ARHGAP42: variants seen among roughly 807,000 people sequenced by gnomAD.
ARHGAP42 encodes the protein rho GTPase-activating protein 42.
ARHGAP42 carries 63 observed loss-of-function variants against 125.0 expected under a neutral mutation model. The ratio of observed to expected loss-of-function variants is 0.50; its 90% CI spans 0.41 to 0.62. ARHGAP42 has a LOEUF of 0.62. ARHGAP42 is among the 20% of genes least tolerant of loss of function. The pLI, the probability that ARHGAP42 is intolerant of heterozygous loss-of-function variation, is 0.00. For missense variants in ARHGAP42, 766 were observed against 1,024.2 expected, an observed-to-expected ratio of 0.75 and a Z score of 3.44; for synonymous variants, 339 against 351.0, an observed-to-expected ratio of 0.97 and a Z score of 0.38.
In ARHGAP42 at chr11:100,976,048, A is replaced by G. The variant is rs763478161; in HGVS notation, c.1856-9A>G. On this transcript the variant is annotated splice_polypyrimidine_tract_variant and intron_variant, in intron 19 of 23. Transcript: ENST00000298815. ...AGTTGCTTTCATCTCTCTCCCTCCT[A>G]CTCCTTAGGTGACTCCTATAGCAGC... 3 of 1,491,696 alleles carry G rather than the reference A, an allele frequency of 2.0e-6. No homozygotes were observed. The highest frequency in any genetic ancestry group is 1.4e-5 in the African/African-American group (1 of 70,926). 92.4% of individuals were successfully genotyped at this position (1,491,696 alleles called of 1,614,324 possible).
At position 100,702,566 on chromosome 11, in the gene ARHGAP42, TAAA is replaced by T. The variant is rs34466184; in HGVS notation, c.154+14746_154+14748del. Reference sequence around the variant, plus strand: ...AGTGTTGTAAAAAACCTTCGATTTGTAAAAAAAAAAAAAACTGCAAAGTACAAT... The same window carrying T: ...AGTGTTGTAAAAAACCTTCGATTTGTAAAAAAAAAAACTGCAAAGTACAAT... On this transcript the variant is annotated intron_variant, in intron 1 of 23. Coordinates refer to ENST00000298815, the MANE Select transcript of ARHGAP42 (RefSeq NM_152432.4). Among the ~76,000 whole-genome samples the T allele has an allele frequency of 5.1e-4, 72 of 141,100 alleles. No homozygotes were observed. The South Asian group carries it at 0.014, about 28-fold the overall frequency. 92.6% of individuals were successfully genotyped at this position (141,100 alleles called of 152,430 possible). A position where few individuals can be genotyped will look rare whatever the true frequency, so the allele number is the denominator to read the frequency against.
intron 6 of ARHGAP42, among the ~76,000 whole-genome samples, chr11:100,926,397 C>T (rs556947642): frequency 6.6e-6 from 1 of 152,328 alleles, no homozygotes; most frequent in Admixed American, 6.5e-5. Context: ...CCTCAGTGGA[C>T]ACTTAACTAC....
At chr11:100,824,379 C>T (rs1042974747) in intron 3 of ARHGAP42, among the ~76,000 whole-genome samples, 8 of 151,996 alleles carry the variant, frequency 5.3e-5, no homozygotes, top group African/African-American at 1.9e-4. Context: ...TGACTGAAGT[C>T]CTTTCAACTA....
chr11:100,785,940 A>ATACCTGCTTC (rs1457997988), intron 2 of ARHGAP42, among the ~76,000 whole-genome samples: 3 of 152,202 alleles, frequency 2.0e-5, no homozygotes, highest in Non-Finnish European at 4.4e-5. Flanking sequence ...TCAAAATCAA[A>ATACCTGCTTC]TACCTGCTTC....
intron 1 of ARHGAP42, among the ~76,000 whole-genome samples, chr11:100,699,500 ATATATATTTTTTTTTTTTTTTTTTT>A (rs1448829858): frequency 5.0e-5 from 2 of 40,148 alleles, no homozygotes; most frequent in African/African-American, 2.2e-4. Context: ...ATATATATAT[ATATATATTTTTTTTTTTTTTTTTTT>A]TTTTTTTTTT....
Position 100,687,443 on chromosome 11 carries a change from C to T in ARHGAP42, c.-236C>T, listed in dbSNP as rs886141464. The stretch of plus-strand genomic sequence containing the variant: ...TCCAGATGACAACAACCTGAGGGGA[C>T]TCGCGCCTCGGCCCGCCGCCCGCGC... On this transcript the variant is annotated 5_prime_UTR_variant, in exon 1 of 24. Transcript: ENST00000298815. Among the ~76,000 whole-genome samples, 6 of 151,938 alleles carry T rather than the reference C, an allele frequency of 3.9e-5. No homozygotes were observed. The highest frequency in any genetic ancestry group is 1.4e-4 in the African/African-American group (6 of 41,432).
chr11:100,925,116 G>A (rs1867384760), intron 6 of ARHGAP42, among the ~76,000 whole-genome samples: 1 of 151,918 alleles, frequency 6.6e-6, no homozygotes, highest in Non-Finnish European at 1.5e-5. Context: ...ACAGGCGTGA[G>A]CCACCACACC....
intron 4 of ARHGAP42, among the ~76,000 whole-genome samples, chr11:100,903,539 C>T (rs1866621233): frequency 6.6e-6 from 1 of 150,926 alleles, no homozygotes; most frequent in Non-Finnish European, 1.5e-5. Context: ...TAGTTTTGTC[C>T]CTAACTTGAT....
intron 3 of ARHGAP42, among the ~76,000 whole-genome samples, chr11:100,832,388 A>C (rs2135096115): frequency 6.6e-6 from 1 of 152,304 alleles, no homozygotes; most frequent in Middle Eastern, 3.4e-3. Context: ...GATTAGCCAG[A>C]CCTGAAGCTT....
intron 3 of ARHGAP42, among the ~76,000 whole-genome samples, chr11:100,850,819 C>G (rs1865186246): frequency 6.6e-6 from 1 of 151,146 alleles, no homozygotes; most frequent in African/African-American, 2.4e-5. Context: ...AACTTCTACT[C>G]TAGCACTGGT....
intron 4 of ARHGAP42, among the ~76,000 whole-genome samples, chr11:100,879,191 A>G (rs560790774): frequency 6.6e-6 from 1 of 152,190 alleles, no homozygotes; most frequent in Non-Finnish European, 1.5e-5. Flanking sequence ...CAAGACTCCT[A>G]GTTGATTCAA....
intron 1 of ARHGAP42, among the ~76,000 whole-genome samples, chr11:100,753,941 A>G (rs1862517987): frequency 6.6e-6 from 1 of 152,130 alleles, no homozygotes; most frequent in Non-Finnish European, 1.5e-5. Flanking sequence ...TTTTCCTGTT[A>G]AGTTCCTGCA....
intron 1 of ARHGAP42, among the ~76,000 whole-genome samples, chr11:100,754,953 G>A (rs924818272): frequency 6.6e-6 from 1 of 152,182 alleles, no homozygotes; most frequent in South Asian, 2.1e-4. Flanking sequence ...ACTATTGGAG[G>A]ACTTTACTCT....
At chr11:100,950,442 T>C (rs3017866) in intron 12 of ARHGAP42, among the ~76,000 whole-genome samples, 133,289 of 151,062 alleles carry the variant, frequency 0.88, 58,896 homozygotes, top group East Asian at 1. Context: ...TTCTTACAGG[T>C]ATAAGACTGC....
At chr11:100,756,689 A>G (rs1254147241) in intron 1 of ARHGAP42, among the ~76,000 whole-genome samples, 1 of 152,226 alleles carries the variant, frequency 6.6e-6, no homozygotes, top group Non-Finnish European at 1.5e-5. Context: ...ATTAGAGATA[A>G]CATGTCTTCC....
intron 3 of ARHGAP42, among the ~76,000 whole-genome samples, chr11:100,840,952 A>G (rs1454303640): frequency 6.6e-6 from 1 of 152,144 alleles, no homozygotes; most frequent in African/African-American, 2.4e-5. Flanking sequence ...CCTTACTCCT[A>G]GAAAGGATAT....
At chr11:100,909,874 A>G (rs1305814257) in intron 4 of ARHGAP42, among the ~76,000 whole-genome samples, 1 of 152,172 alleles carries the variant, frequency 6.6e-6, no homozygotes, top group Non-Finnish European at 1.5e-5. Context: ...TATCTTTGTG[A>G]TATGCCTACA....
chr11:100,824,968 A>C (rs1715382082), intron 3 of ARHGAP42, among the ~76,000 whole-genome samples: 1 of 152,230 alleles, frequency 6.6e-6, no homozygotes, highest in South Asian at 2.1e-4. Flanking sequence ...GAATGTTTTT[A>C]TAAACAAATT....
At chr11:100,700,078 C>T (rs898376444) in intron 1 of ARHGAP42, among the ~76,000 whole-genome samples, 13 of 152,032 alleles carry the variant, frequency 8.6e-5, no homozygotes, top group East Asian at 1.9e-4. Flanking sequence ...TGCAGACCAC[C>T]GCAATAAAGT....
Sources: gnomAD v4.1 joint callset for allele counts (sites outside exome capture counted in the v4.1 genomes callset) on GRCh38, gnomAD v4.1.1 for gene constraint, MANE v1.5 for transcripts, NCBI Gene and HGNC (gene_info 2026-07-23, HGNC 2026-07-21) for gene names.